MACROD2: variants seen among roughly 807,000 people sequenced by gnomAD.
MACROD2 encodes the protein mono-ADP ribosylhydrolase 2, also known as ADP-ribose glycohydrolase MACROD2.
MACROD2 carries 36 observed loss-of-function variants against 70.4 expected under a neutral mutation model. That is an observed-to-expected ratio of 0.51 (90% confidence interval 0.39 to 0.68). The LOEUF is 0.68. Among genes scored for constraint, MACROD2 ranks in the 30% least tolerant of loss-of-function variants. The pLI is 0.00. For synonymous variants in MACROD2, 172 were observed against 178.8 expected (o/e 0.96, Z 0.30); for missense variants, 496 against 538.4 (o/e 0.92, Z 0.78).
At chr20:14,158,495 T>A (rs1291612956) in intron 3 of MACROD2, among the ~76,000 whole-genome samples, 1 of 152,198 alleles carries the variant, frequency 6.6e-6, no homozygotes, top group Non-Finnish European at 1.5e-5. Flanking sequence ...AGGCATAAAA[T>A]CCTTGCCTAG....
At chr20:15,206,747 T>TTTTTTTTTTTTTTTTTTTTTTTG (rs2076710188) in intron 5 of MACROD2, among the ~76,000 whole-genome samples, 1 of 114,920 alleles carries the variant, frequency 8.7e-6, no homozygotes, top group African/African-American at 3.3e-5. Context: ...TTTTTTTTTT[T>TTTTTTTTTTTTTTTTTTTTTTTG]GAGACGGAGT....
At chr20:14,359,686 A>G (rs1184383568) in intron 3 of MACROD2, among the ~76,000 whole-genome samples, 1 of 152,156 alleles carries the variant, frequency 6.6e-6, no homozygotes, top group Admixed American at 6.5e-5. Flanking sequence ...AGCCTGAGCA[A>G]CATGGTAAAA....
intron 6 of MACROD2, among the ~76,000 whole-genome samples, chr20:15,362,648 A>C (rs1722270911): frequency 6.6e-6 from 1 of 152,130 alleles, no homozygotes; most frequent in African/African-American, 2.4e-5. Context: ...CATTATTAGA[A>C]ATTAGTCATT....
chr20:16,011,258 G>A lies in MACROD2; in HGVS notation c.1153+24100G>A, dbSNP rs558162823. Among the ~76,000 whole-genome samples the A allele has an allele frequency of 3.3e-5, 5 of 152,314 alleles. No individual in the cohort carries two copies. In the South Asian group the frequency reaches 8.3e-4, roughly 25 times the overall value. ...GTTAAAGCTGTCAGCACTCACTGAC[G>A]GGATAAAATGGCACCAGCTGCACAT... On this transcript the variant is annotated intron_variant, in intron 15 of 17. Transcript: ENST00000684519.
chr20:14,722,873 A>C (rs886101148), intron 5 of MACROD2, among the ~76,000 whole-genome samples: 1 of 152,154 alleles, frequency 6.6e-6, no homozygotes, highest in African/African-American at 2.4e-5. Flanking sequence ...CCAAAGATAG[A>C]TAATGTTTAT....
chr20:14,502,930 A>G (rs1022490957), intron 4 of MACROD2, among the ~76,000 whole-genome samples: 1 of 152,200 alleles, frequency 6.6e-6, no homozygotes, highest in Non-Finnish European at 1.5e-5. Flanking sequence ...TCTTTCAAGT[A>G]TTTAATTGCC....
At chr20:15,938,184 C>T (rs990096471) in intron 12 of MACROD2, among the ~76,000 whole-genome samples, 1 of 151,944 alleles carries the variant, frequency 6.6e-6, no homozygotes, top group Non-Finnish European at 1.5e-5. Flanking sequence ...TAAAGGAAAA[C>T]AAAATAGTGC....
intron 5 of MACROD2, among the ~76,000 whole-genome samples, chr20:14,912,118 C>G (rs1318680759): frequency 6.6e-6 from 1 of 152,152 alleles, no homozygotes; most frequent in Non-Finnish European, 1.5e-5. Context: ...TACTGCGTAC[C>G]CATCCTCAAC....
chr20:15,885,835 TTAGGGGGTAGG>T (rs2064815254), intron 10 of MACROD2, 24 bp downstream of exon 10: 4 of 1,499,512 alleles, frequency 2.7e-6, no homozygotes, highest in Non-Finnish European at 3.6e-6. Context: ...ACTTTTATTA[TTAGGGGGTAGG>T]TAGGGGTCAT....
intron 16 of MACROD2, among the ~76,000 whole-genome samples, chr20:16,042,486 T>C (rs978512442): frequency 1.8e-4 from 27 of 152,058 alleles, no homozygotes; most frequent in African/African-American, 5.1e-4. Flanking sequence ...CAGCAGAGGA[T>C]TGCAGGCCCT....
intron 3 of MACROD2, among the ~76,000 whole-genome samples, chr20:14,262,291 A>T (rs542471384): frequency 1.1e-4 from 17 of 152,260 alleles, no homozygotes; most frequent in African/African-American, 4.1e-4. Flanking sequence ...GTGGTAAATG[A>T]CCTAATTGGG....
chr20:14,477,820 C>A (rs1424059535), intron 3 of MACROD2, among the ~76,000 whole-genome samples: 1 of 152,004 alleles, frequency 6.6e-6, no homozygotes, highest in Admixed American at 6.6e-5. Context: ...TAGCCGAATG[C>A]TGTAAGATGT....
chr20:14,224,117 C>A (rs895744820), intron 3 of MACROD2, among the ~76,000 whole-genome samples: 11 of 31,048 alleles, frequency 3.5e-4, no homozygotes, highest in African/African-American at 1.1e-3. Flanking sequence ...GATTTAATAT[C>A]AATCACATCT....
chr20:14,537,386 C>A (rs562684533), intron 4 of MACROD2, among the ~76,000 whole-genome samples: 1 of 152,086 alleles, frequency 6.6e-6, no homozygotes, highest in African/African-American at 2.4e-5. Flanking sequence ...TATAAAATAG[C>A]CTCAGAATTG....
At chr20:14,535,696 G>C (rs1446979852) in intron 4 of MACROD2, among the ~76,000 whole-genome samples, 1 of 151,922 alleles carries the variant, frequency 6.6e-6, no homozygotes, top group African/African-American at 2.4e-5. Context: ...AGTATCTTCC[G>C]TTAGCTGCTG....
chr20:15,621,195 G>A (rs952275562), intron 8 of MACROD2, among the ~76,000 whole-genome samples: 13 of 152,154 alleles, frequency 8.5e-5, no homozygotes, highest in Admixed American at 4.6e-4. Flanking sequence ...ACACATTGCC[G>A]TTTGCTCTCA....
intron 15 of MACROD2, among the ~76,000 whole-genome samples, chr20:15,992,276 G>GA (rs959687435): frequency 5.7e-4 from 87 of 151,986 alleles, no homozygotes; most frequent in African/African-American, 2.1e-3. Context: ...TAAAGATTTA[G>GA]AAAAAAATTG....
chr20:14,817,415 A>G (rs190762824), intron 5 of MACROD2, among the ~76,000 whole-genome samples: 3 of 152,226 alleles, frequency 2.0e-5, no homozygotes, highest in African/African-American at 4.8e-5. Context: ...TGTAAAAGAC[A>G]TGAACACTAA....
intron 8 of MACROD2, among the ~76,000 whole-genome samples, chr20:15,538,344 A>C (rs1276312223): frequency 1.3e-5 from 2 of 152,168 alleles, no homozygotes; most frequent in African/African-American, 4.8e-5. Context: ...AATCAATAGG[A>C]CCCACTAAAC....
Sources: allele counts gnomAD v4.1 joint callset (sites outside exome capture counted in the v4.1 genomes callset), GRCh38; gene constraint gnomAD v4.1.1; transcripts MANE v1.5; gene names NCBI Gene and HGNC (gene_info 2026-07-23, HGNC 2026-07-21).